PRKN: variants seen among roughly 807,000 people sequenced by gnomAD.
The protein encoded by PRKN is parkin RBR E3 ubiquitin protein ligase.
Under a neutral mutation model 59.5 loss-of-function variants are expected in PRKN, and 56 were observed. That is an observed-to-expected ratio of 0.94 (90% CI 0.76 to 1.18). PRKN has a LOEUF of 1.18. Among genes scored for constraint, PRKN ranks in the 50% most tolerant of loss-of-function variants. The probability of loss-of-function intolerance (pLI) is 0.00; values close to 1 mark genes in which losing one functional copy is unlikely to be tolerated. For synonymous variants in PRKN, 250 were observed against 222.1 expected (o/e 1.13, Z -1.12); for missense variants, 657 against 596.4 (o/e 1.10, Z -1.06).
At position 161,373,080 on chromosome 6, in the gene PRKN, G is replaced by A. The variant is rs1785505828; in HGVS notation, c.1168-12875C>T. On this transcript the variant is annotated intron_variant, in intron 10 of 11. Coordinates refer to ENST00000366898, the MANE Select transcript of PRKN (RefSeq NM_004562.3). This position sits in a 1 kb window ranked among gnomAD's most constrained non-coding sequence, Gnocchi z 4.8. ...CCCACCCTGGCCTCCCAAAGTGTGG[G>A]GCTGCCGGTGTGAACCACCACACTC... Among the ~76,000 whole-genome samples, 1 of 152,056 alleles carries A rather than the reference G, an allele frequency of 6.6e-6. No individual in the cohort carries two copies. Among genetic ancestry groups the A allele is most frequent in the Admixed American group, 6.6e-5 (1 of 15,262 alleles).
At chr6:161,707,461 T>G (rs1353035571) in intron 7 of PRKN, among the ~76,000 whole-genome samples, 1 of 152,134 alleles carries the variant, frequency 6.6e-6, no homozygotes, top group African/African-American at 2.4e-5. Flanking sequence ...TTTCTAAAAT[T>G]TATAATACCA....
chr6:161,822,121 TCAC>T (rs1360739526), intron 6 of PRKN, among the ~76,000 whole-genome samples: 2 of 34,942 alleles, frequency 5.7e-5, no homozygotes, highest in Admixed American at 4.2e-4. Context: ...TCTCTAATAT[TCAC>T]TCACTCAGTC....
At chr6:162,559,176 G>C (rs994780272) in intron 1 of PRKN, among the ~76,000 whole-genome samples, 2 of 144,888 alleles carry the variant, frequency 1.4e-5, no homozygotes, top group African/African-American at 5.0e-5. Flanking sequence ...AAGGCAATTG[G>C]TAAGTTGTAT....
Position 162,487,441 on chromosome 6 carries a change from C to T in PRKN, c.8-43968G>A, listed in dbSNP as rs941340880. Among the ~76,000 whole-genome samples the T allele has an allele frequency of 3.9e-5, 6 of 152,188 alleles. No homozygotes were observed. In the East Asian group the frequency reaches 5.8e-4, roughly 15 times the overall value. ...CTCTGTCCCCAGGAGAGCCTGCACG[C>T]GTGGCAGGACACATTTGTGGTGGGG... On this transcript the variant is annotated intron_variant, in intron 1 of 11. Coordinates refer to ENST00000366898, the MANE Select transcript of PRKN (RefSeq NM_004562.3).
At chr6:162,068,573 G>C (rs1778436978) in intron 4 of PRKN, among the ~76,000 whole-genome samples, 1 of 152,148 alleles carries the variant, frequency 6.6e-6, no homozygotes. Context: ...CAAGGGCCTC[G>C]GCTTTCTGCT....
rs765976452 is a variant in PRKN, at chr6:161,372,983, A to G, written c.1168-12778T>C. On this transcript the variant is annotated intron_variant, in intron 10 of 11. Coordinates refer to ENST00000366898, the MANE Select transcript of PRKN (RefSeq NM_004562.3). This position sits in a 1 kb window ranked among gnomAD's most constrained non-coding sequence, Gnocchi z 4.2. ...TCTGTCCTCTGCTGATCTTTAAAAA[A>G]TATTTTTTGTAGAGATGGGGTCTCA... Among the ~76,000 whole-genome samples, 68 of 151,998 alleles carry G rather than the reference A, an allele frequency of 4.5e-4. No homozygotes were observed. Among genetic ancestry groups the G allele is most frequent in the Middle Eastern group, 6.8e-3 (2 of 294 alleles).
chr6:162,540,625 G>T (rs909140445), intron 1 of PRKN, among the ~76,000 whole-genome samples: 1 of 151,828 alleles, frequency 6.6e-6, no homozygotes, highest in Non-Finnish European at 1.5e-5. Context: ...TGGCCAACAT[G>T]GTTAAACCCC....
intron 1 of PRKN, among the ~76,000 whole-genome samples, chr6:162,574,076 A>T (rs895086779): frequency 6.6e-6 from 1 of 152,202 alleles, no homozygotes; most frequent in Non-Finnish European, 1.5e-5. Context: ...CTTGGGTCCC[A>T]GTCCACCTGG....
intron 7 of PRKN, among the ~76,000 whole-genome samples, chr6:161,708,304 G>C (rs1290277340): frequency 6.6e-6 from 1 of 152,050 alleles, no homozygotes; most frequent in African/African-American, 2.4e-5. Flanking sequence ...GTCTACTCTA[G>C]TGTTTCAATA....
intron 9 of PRKN, among the ~76,000 whole-genome samples, chr6:161,486,452 G>A (rs746641282): frequency 1.3e-5 from 2 of 152,114 alleles, no homozygotes; most frequent in Admixed American, 6.5e-5. Context: ...TTTTAGGAAC[G>A]TGTTCTGACA....
At chr6:161,784,297 A>G (rs1360159147) in intron 7 of PRKN, among the ~76,000 whole-genome samples, 1 of 152,220 alleles carries the variant, frequency 6.6e-6, no homozygotes, top group African/African-American at 2.4e-5. Flanking sequence ...GATAAATTGC[A>G]TTTCATCAAA....
rs1562409170 is a variant in PRKN, at chr6:162,584,819, TCCC to T, written c.8-141349_8-141347del. ...TCCCCTCCCCTCCCCTCCCCTCCCCTCCCCTCCCCTGTCCCATCCCCTCCCCTC... is the reference window on the plus strand; with the variant it reads ...TCCCCTCCCCTCCCCTCCCCTCCCCTCTCCCCTGTCCCATCCCCTCCCCTC... On this transcript the variant is annotated intron_variant, in intron 1 of 11. Coordinates refer to ENST00000366898, the MANE Select transcript of PRKN (RefSeq NM_004562.3). 3.3e-3 allele frequency among the ~76,000 whole-genome samples: 22 copies of T among 6,660 alleles called. 1 individual carries two copies. Among genetic ancestry groups the T allele is most frequent in the South Asian group, 0.024 (2 of 84 alleles). The allele number at this position is 6,660 out of a possible 152,430, so 4.4% of individuals were successfully genotyped here.
At chr6:162,090,325 A>G (rs1427306407) in intron 4 of PRKN, among the ~76,000 whole-genome samples, 1 of 152,200 alleles carries the variant, frequency 6.6e-6, no homozygotes, top group African/African-American at 2.4e-5. Context: ...GGCCAGTTGA[A>G]GTTTATTTCT....
intron 4 of PRKN, among the ~76,000 whole-genome samples, chr6:162,144,578 AACTGT>A (rs1485695240): frequency 2.0e-5 from 3 of 152,190 alleles, no homozygotes; most frequent in Non-Finnish European, 2.9e-5. Context: ...GGTGCACACG[AACTGT>A]AGGACCTATG....
rs1236425089 is a variant in PRKN at position 162,056,571 on chromosome 6, A to G, written c.535-2397T>C. Among the ~76,000 whole-genome samples the G allele has an allele frequency of 6.6e-6, 1 of 152,178 alleles. No individual in the cohort carries two copies. Reference sequence around the variant, plus strand: ...CTTAATATGGAGGTAAATTTGCAGAAGAGTTCTAGCAGGACTGAAGCTGCG... The same window carrying G: ...CTTAATATGGAGGTAAATTTGCAGAGGAGTTCTAGCAGGACTGAAGCTGCG... On this transcript the variant is annotated intron_variant, in intron 4 of 11. Transcript: ENST00000366898. The surrounding 1 kb of genome is among the most constrained non-coding windows in gnomAD (Gnocchi z 4.9).
At position 162,293,506 on chromosome 6, in the gene PRKN, G is replaced by A. The variant is rs374213530; in HGVS notation, c.172-30741C>T. On this transcript the variant is annotated intron_variant, in intron 2 of 11. Coordinates refer to ENST00000366898, the MANE Select transcript of PRKN (RefSeq NM_004562.3). ...TCACAGACATAAAAGGAGACCCAGC[G>A]GAGAGGGAGTGGGTGAGTGGGAGAT... Among the ~76,000 whole-genome samples the A allele has an allele frequency of 4.2e-4, 64 of 152,318 alleles. 1 individual carries two copies. The highest frequency in any genetic ancestry group is 1.8e-3 in the Admixed American group (27 of 15,302).
At chr6:162,354,154 C>T (rs1281635439) in intron 2 of PRKN, among the ~76,000 whole-genome samples, 6 of 152,084 alleles carry the variant, frequency 3.9e-5, no homozygotes, top group African/African-American at 1.4e-4. Context: ...TTCTCTGGAC[C>T]ATTCTCAACC....
At chr6:161,723,975 C>G (rs1787336453) in intron 7 of PRKN, among the ~76,000 whole-genome samples, 1 of 152,242 alleles carries the variant, frequency 6.6e-6, no homozygotes, top group Admixed American at 6.5e-5. Context: ...GCTCCTTCCA[C>G]TGTGAGTGCG....
chr6:162,122,383 C>A lies in PRKN; in HGVS notation c.535-68209G>T, dbSNP rs535598491. Among the ~76,000 whole-genome samples the A allele has an allele frequency of 4.0e-4, 61 of 152,280 alleles. 1 individual carries two copies. The highest frequency in any genetic ancestry group is 2.0e-3 in the Admixed American group (30 of 15,278). ...GTGGGTTGATTACTTTGGACCCTTA[C>A]ATTATGCAGGAGGCAGCAAACGGTC... On this transcript the variant is annotated intron_variant, in intron 4 of 11. Transcript: ENST00000366898.
Sources: allele counts gnomAD v4.1 joint callset (sites outside exome capture counted in the v4.1 genomes callset), GRCh38; gene constraint gnomAD v4.1.1; non-coding constraint Gnocchi (gnomAD v3.1); transcripts MANE v1.5; gene names NCBI Gene and HGNC (gene_info 2026-07-23, HGNC 2026-07-21).